The following LRP1B variants were observed in gnomAD, a reference collection of about 807,000 sequenced individuals.
LRP1B encodes the protein low-density lipoprotein receptor-related protein 1B.
Under a neutral mutation model 556.6 loss-of-function variants are expected in LRP1B, and 217 were observed. That is an observed-to-expected ratio of 0.39 (90% confidence interval 0.35 to 0.44). LRP1B has a LOEUF of 0.44. Among genes scored for constraint, LRP1B ranks in the 20% least tolerant of loss-of-function variants. LRP1B has a pLI of 1.00. For missense variants in LRP1B, 5,053 were observed against 5,620.8 expected, an observed-to-expected ratio of 0.90 and a Z score of 3.23; for synonymous variants, 2,047 against 1,865.8, an observed-to-expected ratio of 1.10 and a Z score of -2.50.
At chr2:140,438,461 C>A (rs1686285324) in intron 66 of LRP1B, among the ~76,000 whole-genome samples, 1 of 152,146 alleles carries the variant, frequency 6.6e-6, no homozygotes, top group Admixed American at 6.5e-5. Flanking sequence ...AAGCTTATAA[C>A]TGTAGCTTAT....
chr2:141,574,139 C>CA (rs957615560), intron 2 of LRP1B, among the ~76,000 whole-genome samples: 1 of 151,958 alleles, frequency 6.6e-6, no homozygotes. Context: ...AGAGACACAA[C>CA]AAAAAAAGAG....
intron 1 of LRP1B, among the ~76,000 whole-genome samples, chr2:141,978,866 T>C (rs1701965463): frequency 6.6e-6 from 1 of 152,064 alleles, no homozygotes; most frequent in Admixed American, 6.6e-5. Flanking sequence ...GTACGTTTTG[T>C]GTATATGTTT....
chr2:140,764,701 G>A (rs941784632), intron 35 of LRP1B, among the ~76,000 whole-genome samples: 7 of 151,972 alleles, frequency 4.6e-5, no homozygotes, highest in Admixed American at 2.0e-4. Flanking sequence ...TATTCCTTCC[G>A]CCATACACAA....
At chr2:140,435,578 T>C (rs1686139584) in intron 66 of LRP1B, among the ~76,000 whole-genome samples, 1 of 152,106 alleles carries the variant, frequency 6.6e-6, no homozygotes, top group African/African-American at 2.4e-5. Context: ...GTCTAGAATA[T>C]TTGGCATGCC....
intron 41 of LRP1B, among the ~76,000 whole-genome samples, chr2:140,603,459 C>A (rs1263934532): frequency 6.6e-6 from 1 of 152,090 alleles, no homozygotes; most frequent in African/African-American, 2.4e-5. Flanking sequence ...CATTACACGC[C>A]TTTCATCGTT....
At chr2:140,287,781 C>T (rs1276081571) in intron 84 of LRP1B, among the ~76,000 whole-genome samples, 1 of 151,730 alleles carries the variant, frequency 6.6e-6, no homozygotes, top group Non-Finnish European at 1.5e-5. Flanking sequence ...ACCCCTGCTA[C>T]ACTGGTTTTT....
At chr2:141,443,874 C>G (rs977662275) in intron 3 of LRP1B, among the ~76,000 whole-genome samples, 4 of 152,138 alleles carry the variant, frequency 2.6e-5, no homozygotes, top group Non-Finnish European at 4.4e-5. Flanking sequence ...ATGCCTCCAG[C>G]TTTGTTCTTT....
At chr2:141,418,864 T>C (rs912524259) in intron 3 of LRP1B, among the ~76,000 whole-genome samples, 2 of 152,156 alleles carry the variant, frequency 1.3e-5, no homozygotes, top group African/African-American at 4.8e-5. Context: ...TTCTGATCCA[T>C]GAACATAGGA....
intron 35 of LRP1B, among the ~76,000 whole-genome samples, chr2:140,737,704 G>A (rs1017128311): frequency 1.3e-4 from 20 of 152,128 alleles, no homozygotes; most frequent in African/African-American, 4.3e-4. Context: ...AAGGAGCATG[G>A]GGGTGGATAG....
rs145203755 is a variant in LRP1B at position 140,635,545 on chromosome 2, C to T, written c.6800-33906G>A. 3.6e-3 allele frequency among the ~76,000 whole-genome samples: 542 copies of T among 151,766 alleles called. 2 individuals carry two copies. The highest frequency in any genetic ancestry group is 0.013 in the African/African-American group (522 of 41,394). ...TTTGCTTGGATTGTGACTGTAATGA[C>T]TTTGGAGCTGAGGTACTTGAACTTC... On this transcript the variant is annotated intron_variant, in intron 41 of 90. Coordinates refer to ENST00000389484, the MANE Select transcript of LRP1B (RefSeq NM_018557.3).
At chr2:141,124,076 T>C (rs1701135974) in intron 7 of LRP1B, among the ~76,000 whole-genome samples, 2 of 152,130 alleles carry the variant, frequency 1.3e-5, no homozygotes, top group African/African-American at 4.8e-5. Context: ...CATTTCTTTA[T>C]TTGCTAATTT....
intron 3 of LRP1B, among the ~76,000 whole-genome samples, chr2:141,299,475 T>C (rs563134112): frequency 6.6e-4 from 101 of 152,206 alleles, no homozygotes; most frequent in Non-Finnish European, 1.2e-3. Context: ...ATTAAATGAT[T>C]TTATTCACTT....
In LRP1B at chr2:140,593,369, T is replaced by A. The variant is rs935920836; in HGVS notation, c.7194+5262A>T. Among the ~76,000 whole-genome samples the A allele has an allele frequency of 2.0e-5, 3 of 152,176 alleles. No homozygotes were observed. The South Asian group carries it at 6.2e-4, about 32-fold the overall frequency. The stretch of plus-strand genomic sequence containing the variant: ...CACTTACAGGGTAACTGCAGGGAGA[T>A]AGGTTATAATCATGCTGTCTTAGCC... On this transcript the variant is annotated intron_variant, in intron 43 of 90. Coordinates refer to ENST00000389484, the MANE Select transcript of LRP1B (RefSeq NM_018557.3).
At chr2:140,969,744 T>C (rs1696352058) in intron 18 of LRP1B, among the ~76,000 whole-genome samples, 2 of 152,184 alleles carry the variant, frequency 1.3e-5, no homozygotes, top group East Asian at 1.9e-4. Context: ...TCTCAGCATT[T>C]GCTTGTCTGT....
intron 17 of LRP1B, among the ~76,000 whole-genome samples, chr2:140,988,744 A>G (rs1697002842): frequency 6.6e-6 from 1 of 152,174 alleles, no homozygotes; most frequent in African/African-American, 2.4e-5. Context: ...GCAAAGACAG[A>G]AAGAGTTGAT....
chr2:142,028,736 T>C (rs963417745), intron 1 of LRP1B, among the ~76,000 whole-genome samples: 11 of 151,982 alleles, frequency 7.2e-5, no homozygotes, highest in Non-Finnish European at 1.6e-4. Flanking sequence ...TATAAGAAAG[T>C]GTCAACTATT....
intron 3 of LRP1B, among the ~76,000 whole-genome samples, chr2:141,478,904 T>A (rs1007866953): frequency 6.6e-6 from 1 of 152,270 alleles, no homozygotes; most frequent in Admixed American, 6.5e-5. Flanking sequence ...ACAAAGCCTT[T>A]ACATAAAAAT....
In LRP1B at chr2:140,867,759, G is replaced by A. The variant is rs766365394; in HGVS notation, c.4410C>T (p.Ser1470=). 8 of 1,610,356 alleles carry A rather than the reference G, an allele frequency of 5.0e-6. 1 individual carries two copies. The highest frequency in any genetic ancestry group is 1.6e-4 in the Middle Eastern group (1 of 6,068). The change falls in exon 27 of 91, where the codon TCC becomes TCT. Residue 1470 remains serine, a synonymous_variant. Transcript: ENST00000389484. ...CATATAGAGACACAGCAAAGGGATG[G>A]GAAAGGTATTCATGACCTCGGATGA... ...IEIIRGHEYL[S]HPFAVSLYGS...
intron 83 of LRP1B, among the ~76,000 whole-genome samples, chr2:140,307,514 C>A (rs145027002): frequency 0.021 from 3,184 of 151,546 alleles, 39 homozygotes; most frequent in African/African-American, 0.031. Flanking sequence ...TAAGATGCTC[C>A]TAAGAATTCA....
Sources: allele counts gnomAD v4.1 joint callset (sites outside exome capture counted in the v4.1 genomes callset), GRCh38; gene constraint gnomAD v4.1.1; transcripts MANE v1.5; gene names NCBI Gene and HGNC (gene_info 2026-07-23, HGNC 2026-07-21).